The following MESD variants were observed in gnomAD, a reference collection of about 807,000 sequenced individuals.
MESD encodes the protein LRP chaperone MESD.
In MESD, 7 loss-of-function variants were observed where a neutral mutation model predicts 12.9. That is an observed-to-expected ratio of 0.54 (90% CI 0.31 to 1.02). The LOEUF is 1.02. MESD is among the 50% of genes least tolerant of loss of function. The pLI is 0.05. For missense variants in MESD, 342 were observed against 296.7 expected (o/e 1.15, Z -1.12); for synonymous variants, 126 against 115.6 (o/e 1.09, Z -0.58).
intron 1 of MESD, among the ~76,000 whole-genome samples, chr15:80,985,620 C>T (rs1567127257): frequency 7.1e-6 from 1 of 141,320 alleles, no homozygotes; most frequent in Non-Finnish European, 1.5e-5. Context: ...ATGAAATTAA[C>T]TCAGTAGGTC....
intron 3 of MESD, among the ~76,000 whole-genome samples, chr15:80,953,580 G>A (rs1361872093): frequency 6.6e-6 from 1 of 152,232 alleles, no homozygotes; most frequent in Non-Finnish European, 1.5e-5. Context: ...ACCAGCCTGG[G>A]AGGGGACAGG....
At chr15:80,961,203 T>C (rs1902080461) in intron 3 of MESD, among the ~76,000 whole-genome samples, 1 of 151,476 alleles carries the variant, frequency 6.6e-6, no homozygotes, top group South Asian at 2.1e-4. Context: ...CTCCTTAACA[T>C]GCCATCTGCT....
At chr15:80,980,827 T>C (rs538538673) in intron 2 of MESD, among the ~76,000 whole-genome samples, 128 of 151,406 alleles carry the variant, frequency 8.5e-4, no homozygotes, top group African/African-American at 2.9e-3. Context: ...GCCCTTTTTT[T>C]TTTTTTTTCT....
At position 80,989,570 on chromosome 15, in the gene MESD, G is replaced by A. The variant is rs763694933; in HGVS notation, c.213+9C>T. 1.6e-5 allele frequency: 25 copies of A among 1,611,378 alleles called. No homozygotes were observed. The East Asian group carries it at 5.4e-4, about 34-fold the overall frequency. ...AGAAGAGCCGGGAGGGTGTGCGCGC[G>A]CCGCGGACCTCCCATTGCTCCAGAA... On this transcript the variant is annotated intron_variant, in intron 1 of 2. Coordinates refer to ENST00000261758, the MANE Select transcript of MESD (RefSeq NM_015154.3).
At chr15:80,987,516 T>C (rs1282433246) in intron 1 of MESD, among the ~76,000 whole-genome samples, 1 of 147,618 alleles carries the variant, frequency 6.8e-6, no homozygotes, top group Non-Finnish European at 1.5e-5. Flanking sequence ...TGAGACAGAG[T>C]CTCACCCTGT....
At chr15:80,989,506 G>T in intron 1 of MESD, 73 bp downstream of exon 1, 1 of 1,505,640 alleles carries the variant, frequency 6.6e-7, no homozygotes, top group Non-Finnish European at 9.1e-7. Context: ...TCCCAAGACA[G>T]AACAGGTAAG....
Position 80,978,843 on chromosome 15 carries a change from T to C in MESD, c.*376A>G. On this transcript the variant is annotated 3_prime_UTR_variant, in exon 3 of 3. Transcript: ENST00000261758. ...TCAAGAGTTTTAAAGTCTTCTCTGA[T>C]CAGAATTTGCTATCTGATCAGAGCA... 4.9e-6 allele frequency: 1 copy of C among 205,786 alleles called. No homozygotes were observed. The highest frequency in any genetic ancestry group is 1.2e-4 in the East Asian group (1 of 8,336). 12.7% of individuals were successfully genotyped at this position (205,786 alleles called of 1,614,324 possible).
At chr15:80,951,214 G>A (rs1372017817) in intron 4 of MESD, 1 of 152,658 alleles carries the variant, frequency 6.6e-6, no homozygotes, top group Non-Finnish European at 1.5e-5. Flanking sequence ...TCACTTTCAG[G>A]TGGCCAGGAA....
chr15:80,948,475 C>T (rs528083072), exon 5 of MESD: 3 of 398,714 alleles, frequency 7.5e-6, no homozygotes, highest in African/African-American at 2.1e-5. Context: ...AGGGGCAGCT[C>T]AAAGGTAGGC....
In MESD at chr15:80,979,012, G is replaced by C. The variant is rs1027666681; in HGVS notation, c.*207C>G. 15 of 624,988 alleles carry C rather than the reference G, an allele frequency of 2.4e-5. No homozygotes were observed. The highest frequency in any genetic ancestry group is 2.4e-4 in the African/African-American group (13 of 54,368). 38.7% of individuals were successfully genotyped at this position (624,988 alleles called of 1,614,324 possible). A position where few individuals can be genotyped will look rare whatever the true frequency, so the allele number is the denominator to read the frequency against. ...GTAAACATGAATTTGTCAGTGTCCAGTATTAATTAGAAAACATCTGTCTTC... is the reference window on the plus strand; with the variant it reads ...GTAAACATGAATTTGTCAGTGTCCACTATTAATTAGAAAACATCTGTCTTC... On this transcript the variant is annotated 3_prime_UTR_variant, in exon 3 of 3. Coordinates refer to ENST00000261758, the MANE Select transcript of MESD (RefSeq NM_015154.3).
chr15:80,975,228 A>AC (rs879480535), downstream of MESD, among the ~76,000 whole-genome samples: 34 of 149,154 alleles, frequency 2.3e-4, no homozygotes, highest in African/African-American at 8.2e-4. Flanking sequence ...AAACAAAAAA[A>AC]AAAAAACCTA....
chr15:80,982,953 C>G (rs1555442647), intron 1 of MESD, among the ~76,000 whole-genome samples: 1 of 152,110 alleles, frequency 6.6e-6, no homozygotes, highest in Non-Finnish European at 1.5e-5. Flanking sequence ...GCAATGCACA[C>G]CTGTAGTCCC....
rs1242274452 is a variant in MESD at position 80,984,734 on chromosome 15, G to A, written c.214-2552C>T. Among the ~76,000 whole-genome samples the A allele has an allele frequency of 3.9e-5, 6 of 152,224 alleles. No homozygotes were observed. In the East Asian group the frequency reaches 7.7e-4, roughly 20 times the overall value. On this transcript the variant is annotated intron_variant, in intron 1 of 2. Coordinates refer to ENST00000261758, the MANE Select transcript of MESD (RefSeq NM_015154.3). ...AATGTACACTTTACATGGGTAAATT[G>A]CCTATGGCATGTGAATTGAATCTCA...
chr15:80,948,799 C>A (rs1472240559), exon 5 of MESD: 16 of 1,614,028 alleles, frequency 9.9e-6, no homozygotes, highest in Non-Finnish European at 1.4e-5. Context: ...CTTTTCAGAG[C>A]AAATGGCATT....
intron 2 of MESD, among the ~76,000 whole-genome samples, 181 bp downstream of exon 2, chr15:80,981,769 C>A (rs1312230591): frequency 6.6e-6 from 1 of 151,870 alleles, no homozygotes; most frequent in South Asian, 2.1e-4. Flanking sequence ...GCAGGAGAAT[C>A]GCTTGAACCA....
chr15:80,989,349 G>A (rs920361133), intron 1 of MESD, among the ~76,000 whole-genome samples: 52 of 152,294 alleles, frequency 3.4e-4, no homozygotes, highest in African/African-American at 1.2e-3. Flanking sequence ...AGAAATGGCA[G>A]GAGGAACAGG....
intron 1 of MESD, among the ~76,000 whole-genome samples, chr15:80,986,679 C>T (rs967157403): frequency 2.0e-5 from 3 of 152,146 alleles, no homozygotes; most frequent in African/African-American, 7.2e-5. Flanking sequence ...TGAGGCAGAG[C>T]GGGGGGCCAG....
chr15:80,950,814 G>C (rs1199378916), intron 4 of MESD: 7 of 152,694 alleles, frequency 4.6e-5, no homozygotes, highest in African/African-American at 1.4e-4. Flanking sequence ...CGAGGCACCA[G>C]AGTCTCCCTG....
chr15:80,956,939 C>A (rs532799425), intron 3 of MESD, among the ~76,000 whole-genome samples: 1 of 152,056 alleles, frequency 6.6e-6, no homozygotes, highest in Admixed American at 6.6e-5. Context: ...TACCTCACCC[C>A]CTGAGTAGCT....
Sources: allele counts gnomAD v4.1 joint callset (sites outside exome capture counted in the v4.1 genomes callset), GRCh38; gene constraint gnomAD v4.1.1; transcripts MANE v1.5; gene names NCBI Gene and HGNC (gene_info 2026-07-23, HGNC 2026-07-21).